Variants in HDAC8 observed in about 807,000 individuals in gnomAD.
The protein encoded by HDAC8 is histone deacetylase-like 1.
A neutral mutation model predicts 32.2 loss-of-function variants in HDAC8; 1 was observed. The ratio of observed to expected loss-of-function variants is 0.03; its 90% CI spans 0.01 to 0.15. The LOEUF is 0.15. Ranked by LOEUF, HDAC8 falls within the 10% of genes least tolerant of loss-of-function variation. HDAC8 has a pLI of 1.00. For synonymous variants in HDAC8, 108 were observed against 113.9 expected, an observed-to-expected ratio of 0.95 and a Z score of 0.33; for missense variants, 117 against 300.0, an observed-to-expected ratio of 0.39 and a Z score of 4.51.
At chrX:72,474,056 ATC>A in intron 7 of HDAC8, 1 of 671,993 alleles carries the variant, frequency 1.5e-6, no homozygotes. Flanking sequence ...CTTCCCTACA[ATC>A]TCTGTATATT....
intron 7 of HDAC8, among the ~76,000 whole-genome samples, chrX:72,465,056 T>G (rs182346459): frequency 1.2e-3 from 138 of 111,814 alleles, no homozygotes; most frequent in Non-Finnish European, 2.0e-3. Flanking sequence ...GTATACACAT[T>G]TAGTCCATTT....
intron 9 of HDAC8, among the ~76,000 whole-genome samples, chrX:72,381,961 C>T (rs1265814655): frequency 1.8e-5 from 2 of 112,352 alleles, no homozygotes; most frequent in Non-Finnish European, 3.8e-5. Context: ...TCTGTGTGTG[C>T]CTGCACACTC....
chrX:72,484,182 A>G (rs2048596370), intron 7 of HDAC8, among the ~76,000 whole-genome samples: 1 of 112,260 alleles, frequency 8.9e-6, no homozygotes, highest in Admixed American at 9.4e-5. Context: ...TTTGAGCTAT[A>G]CAATATAAGC....
chrX:72,497,347 G>A (rs782324510), intron 4 of HDAC8, among the ~76,000 whole-genome samples: 1 of 111,627 alleles, frequency 9.0e-6, no homozygotes, highest in Admixed American at 9.5e-5. Flanking sequence ...TAAGTGTTTA[G>A]ATAAATAGAA....
At chrX:72,572,187 C>A in intron 1 of HDAC8, 78 bp from the exon 2 acceptor site, 1 of 941,145 alleles carries the variant, frequency 1.1e-6, no homozygotes, top group Non-Finnish European at 1.5e-6. Flanking sequence ...AAATCCCCGT[C>A]AATCTCACCA....
intron 4 of HDAC8, among the ~76,000 whole-genome samples, chrX:72,534,695 T>C (rs2050466005): frequency 1.8e-5 from 2 of 111,867 alleles, no homozygotes; most frequent in African/African-American, 3.2e-5. Flanking sequence ...TCTAAATAAA[T>C]GGAAAGAAGT....
chrX:72,388,263 G>C (rs1225921050), intron 9 of HDAC8, among the ~76,000 whole-genome samples: 1 of 110,155 alleles, frequency 9.1e-6, no homozygotes, highest in African/African-American at 3.3e-5. Flanking sequence ...AAGTTGAACT[G>C]TTACAAAATA....
intron 3 of HDAC8, 51 bp downstream of exon 3, chrX:72,568,703 T>C: frequency 2.6e-6 from 3 of 1,167,079 alleles, no homozygotes; most frequent in Non-Finnish European, 3.5e-6. Context: ...ATACAAGTTA[T>C]AAAAAAAATT....
chrX:72,346,642 G>T (rs782335762), intron 10 of HDAC8, among the ~76,000 whole-genome samples: 2 of 111,706 alleles, frequency 1.8e-5, no homozygotes, highest in Admixed American at 1.9e-4. Flanking sequence ...TGGCAGACTG[G>T]GTCTGGTGGC....
chrX:72,558,515 G>A (rs189993326), intron 4 of HDAC8, among the ~76,000 whole-genome samples: 2,008 of 111,752 alleles, frequency 0.018, 127 homozygotes, highest in Admixed American at 0.17. Context: ...TGCAGAAAAA[G>A]CATTTGACAA....
chrX:72,441,910 C>T (rs1294456812), intron 9 of HDAC8, among the ~76,000 whole-genome samples: 6 of 110,973 alleles, frequency 5.4e-5, no homozygotes, highest in Non-Finnish European at 1.1e-4. Context: ...GGAGCCGATG[C>T]GATCAACTGG....
intron 2 of HDAC8, among the ~76,000 whole-genome samples, chrX:72,569,423 C>T (rs1456456640): frequency 8.9e-5 from 10 of 112,150 alleles, no homozygotes; most frequent in Admixed American, 7.6e-4. Context: ...GTTCAGTTTT[C>T]TTATTTGTAA....
intron 9 of HDAC8, among the ~76,000 whole-genome samples, chrX:72,406,163 C>T (rs2046033466): frequency 9.0e-6 from 1 of 111,699 alleles, no homozygotes; most frequent in Non-Finnish European, 1.9e-5. Flanking sequence ...GGGGTACATT[C>T]TTCCATGAAA....
chrX:72,445,087 T>C (rs1180320887), intron 9 of HDAC8, among the ~76,000 whole-genome samples: 3 of 109,305 alleles, frequency 2.7e-5, no homozygotes, highest in African/African-American at 6.7e-5. Context: ...GAATCAATAT[T>C]GTGAAAATGG....
chrX:72,493,993 AAACCATTCTT>A (rs2048948521), intron 5 of HDAC8, among the ~76,000 whole-genome samples: 1 of 111,677 alleles, frequency 9.0e-6, no homozygotes, highest in South Asian at 3.8e-4. Flanking sequence ...TTGGCTGGAA[AAACCATTCTT>A]AACCATTCTT....
intron 4 of HDAC8, among the ~76,000 whole-genome samples, chrX:72,513,957 A>G (rs1362993302): frequency 8.9e-6 from 1 of 112,183 alleles, no homozygotes; most frequent in Non-Finnish European, 1.9e-5. Flanking sequence ...TTTAAGTGAT[A>G]GATGAGAAAC....
chrX:72,435,586 T>C (rs1427142898), intron 9 of HDAC8, among the ~76,000 whole-genome samples: 1 of 110,427 alleles, frequency 9.1e-6, no homozygotes, highest in African/African-American at 3.3e-5. Context: ...AAAAACCAAA[T>C]GAAAAATTTA....
At chrX:72,413,253 G>T (rs1482715431) in intron 9 of HDAC8, among the ~76,000 whole-genome samples, 1 of 96,461 alleles carries the variant, frequency 1.0e-5, no homozygotes, top group African/African-American at 4.3e-5. Context: ...CTCTCCTAAC[G>T]CTGTCCCTCC....
chrX:72,572,824 G>A lies in HDAC8; in HGVS notation c.-63C>T. 6.5e-6 allele frequency: 6 copies of A among 929,766 alleles called. No individual in the cohort carries two copies. The highest frequency in any genetic ancestry group is 9.3e-6 in the Non-Finnish European group (6 of 643,188). 76.6% of individuals were successfully genotyped at this position (929,766 alleles called of 1,213,427 possible). The stretch of plus-strand genomic sequence containing the variant: ...CTGGCTTTTTTCGGACTCGGCCAGG[G>A]TTCCAGTTCCTGCTCCTCTGATCGG... On this transcript the variant is annotated 5_prime_UTR_variant, in exon 1 of 11. Transcript: ENST00000373573.
Sources: allele counts gnomAD v4.1 joint callset (sites outside exome capture counted in the v4.1 genomes callset), GRCh38; gene constraint gnomAD v4.1.1; transcripts MANE v1.5; gene names NCBI Gene and HGNC (gene_info 2026-07-23, HGNC 2026-07-21).